Variants in SCNN1D observed in about 807,000 individuals in gnomAD.
The protein encoded by SCNN1D is epithelial sodium channel subunit delta.
A neutral mutation model predicts 87.8 loss-of-function variants in SCNN1D; 104 were observed. The observed-to-expected ratio is 1.18, with a 90% CI of 1.01 to 1.39. SCNN1D has a LOEUF of 1.39. Among genes scored for constraint, SCNN1D ranks in the 40% most tolerant of loss-of-function variants. SCNN1D has a pLI of 0.00. For synonymous variants in SCNN1D, 628 were observed against 481.2 expected, an observed-to-expected ratio of 1.31 and a Z score of -3.99; for missense variants, 1,324 against 1,093.9, an observed-to-expected ratio of 1.21 and a Z score of -2.97.
rs370194779 is a variant in SCNN1D at position 1,290,866 on chromosome 1, C to T, written c.1918-29C>T. ...AGGATGGCCGGGGGCATGGGGGAGC[C>T]GTGGCCACAGCAAACCTTCCGTCTG... On this transcript the variant is annotated intron_variant, in intron 15 of 17. Coordinates refer to ENST00000379116, the MANE Select transcript of SCNN1D (RefSeq NM_001130413.4). 2.9e-4 allele frequency: 464 copies of T among 1,606,930 alleles called. 2 individuals are homozygous for T. In the African/African-American group the frequency reaches 5.5e-3, roughly 19 times the overall value.
Position 1,285,896 on chromosome 1 carries a change from C to T in SCNN1D, c.559-30C>T, listed in dbSNP as rs113638421. Reference sequence around the variant, plus strand: ...TAGGGAGGCCTGAGTGGGTGCAGGCCGGGCCCTGCTGAGGCCACTCTGCAC... The same window carrying T: ...TAGGGAGGCCTGAGTGGGTGCAGGCTGGGCCCTGCTGAGGCCACTCTGCAC... On this transcript the variant is annotated intron_variant, in intron 6 of 17. Coordinates refer to ENST00000379116, the MANE Select transcript of SCNN1D (RefSeq NM_001130413.4). 4.7e-3 allele frequency: 7,103 copies of T among 1,521,270 alleles called. 195 individuals are homozygous for T. In the African/African-American group the frequency reaches 0.07, roughly 15 times the overall value. 94.2% of individuals were successfully genotyped at this position (1,521,270 alleles called of 1,614,324 possible).
chr1:1,290,350 G>A lies in SCNN1D; in HGVS notation c.1742G>A (p.Gly581Glu), dbSNP rs982225238. 11 of 1,597,400 alleles carry A rather than the reference G, an allele frequency of 6.9e-6. No homozygotes were observed. Among genetic ancestry groups the A allele is most frequent in the Non-Finnish European group, 6.0e-6 (7 of 1,170,274 alleles). ...TACTACCTCCACCCTCTGCCGGCGG[G>A]GGCTGAGTACTGCAGCTCTGCCCGG... ...CGYYLHPLPA[G>E]AEYCSSARHP... is the part of the protein sequence containing the mutation. The change falls in exon 13 of 18, where the codon GGG becomes GAG. Residue 581 changes from glycine to glutamate, a missense_variant. Transcript: ENST00000379116.
At chr1:1,288,199 TTC>T (rs1322974725) in intron 12 of SCNN1D, among the ~76,000 whole-genome samples, 162 bp downstream of exon 12, 2 of 150,142 alleles carry the variant, frequency 1.3e-5, no homozygotes, top group African/African-American at 4.9e-5. Flanking sequence ...CCCCGCTCCA[TTC>T]CCTGTGTCTC....
Position 1,291,927 on chromosome 1 carries a change from C to T in SCNN1D, c.*317C>T, listed in dbSNP as rs978998024. The T allele has an allele frequency of 7.8e-5, 20 of 257,910 alleles. No individual in the cohort carries two copies. Among genetic ancestry groups the T allele is most frequent in the East Asian group, 5.6e-4 (8 of 14,250 alleles). The allele number at this position is 257,910 out of a possible 1,614,324, so 16.0% of individuals were successfully genotyped here. ...TCCACACGTCTGATGCACCTGTGTACGTGTGTCAAGCCTAGCCACCTCAGC... is the reference window on the plus strand; with the variant it reads ...TCCACACGTCTGATGCACCTGTGTATGTGTGTCAAGCCTAGCCACCTCAGC... On this transcript the variant is annotated 3_prime_UTR_variant, in exon 18 of 18. Transcript: ENST00000379116.
rs1158942457 is a variant in SCNN1D at position 1,291,821 on chromosome 1, G to A, written c.*211G>A. On this transcript the variant is annotated 3_prime_UTR_variant, in exon 18 of 18. Coordinates refer to ENST00000379116, the MANE Select transcript of SCNN1D (RefSeq NM_001130413.4). ...CTCAAGGAGGCCCGGGGCGGAGGGG[G>A]GTTCCCGCGTGCACACGAGTGCGGC... The A allele has an allele frequency of 6.5e-6, 3 of 460,234 alleles. No homozygotes were observed. Among genetic ancestry groups the A allele is most frequent in the South Asian group, 5.2e-5 (1 of 19,130 alleles). The allele number at this position is 460,234 out of a possible 1,614,324, so 28.5% of individuals were successfully genotyped here. A position where few individuals can be genotyped will look rare whatever the true frequency, so the allele number is the denominator to read the frequency against.
At position 1,287,661 on chromosome 1, in the gene SCNN1D, T is replaced by C. The variant is rs1640627458; in HGVS notation, c.1400-12T>C. On this transcript the variant is annotated splice_polypyrimidine_tract_variant and intron_variant, in intron 10 of 17. Coordinates refer to ENST00000379116, the MANE Select transcript of SCNN1D (RefSeq NM_001130413.4). ...AGGTCAGGTGGCCTCACACCAGCCC[T>C]TGGCCTCCCAGGAGTCGGCCTGGTC... 6.2e-7 allele frequency: 1 copy of C among 1,611,668 alleles called. No individual in the cohort carries two copies.
At position 1,285,923 on chromosome 1, in the gene SCNN1D, C is replaced by T; in HGVS notation, c.559-3C>T. 2.6e-6 allele frequency: 4 copies of T among 1,542,290 alleles called. No homozygotes were observed. The highest frequency in any genetic ancestry group is 3.5e-6 in the Non-Finnish European group (4 of 1,142,636). ...GGCCCTGCTGAGGCCACTCTGCACA[C>T]AGGCTGCAGCCCAGACGCCCCCCAG... On this transcript the variant is annotated splice_polypyrimidine_tract_variant and splice_region_variant and intron_variant, in intron 6 of 17. Coordinates refer to ENST00000379116, the MANE Select transcript of SCNN1D (RefSeq NM_001130413.4).
intron 14 of SCNN1D, 25 bp downstream of exon 14, chr1:1,290,580 G>A (rs374187373): frequency 2.1e-4 from 333 of 1,612,554 alleles, no homozygotes; most frequent in Admixed American, 3.7e-4. Flanking sequence ...TTGGGGTCGC[G>A]GCCAGGGATC....
In SCNN1D at chr1:1,287,770, G is replaced by C. The variant is rs1466236088; in HGVS notation, c.1497G>C (p.Thr499=). Residue 499 remains threonine, a synonymous_variant, in exon 11 of 18, where the codon ACG becomes ACC. Coordinates refer to ENST00000379116, the MANE Select transcript of SCNN1D (RefSeq NM_001130413.4). ...TCATGGTTCACGGCCGTAACCACAC[G>C]CCCTTCCTGGGGCACCACAGCTTCA... ...IRVMVHGRNH[T]PFLGHHSFSV... 6.3e-7 allele frequency: 1 copy of C among 1,598,192 alleles called. No individual in the cohort carries two copies. Among genetic ancestry groups the C allele is most frequent in the East Asian group, 2.3e-5 (1 of 43,904 alleles).
Position 1,290,402 on chromosome 1 carries a change from G to T in SCNN1D, c.1780+14G>T. The T allele has an allele frequency of 6.2e-7, 1 of 1,606,882 alleles. No homozygotes were observed. The highest frequency in any genetic ancestry group is 8.5e-7 in the Non-Finnish European group (1 of 1,176,178). On this transcript the variant is annotated intron_variant, in intron 13 of 17. Coordinates refer to ENST00000379116, the MANE Select transcript of SCNN1D (RefSeq NM_001130413.4). Reference sequence around the variant, plus strand: ...ACCCTGCCTGGGGTGAGTCCTGCTCGCTGCCTCCCACTCTGTCAGCCATTA... The same window carrying T: ...ACCCTGCCTGGGGTGAGTCCTGCTCTCTGCCTCCCACTCTGTCAGCCATTA...
At position 1,291,597 on chromosome 1, in the gene SCNN1D, C is replaced by T. The variant is rs201287084; in HGVS notation, c.2396C>T (p.Thr799Ile). Residue 799 changes from threonine to isoleucine, a missense_variant, in exon 18 of 18, where the codon ACT becomes ATT. Transcript: ENST00000379116. ...TGGGCTGGGCCCCAGCCCCTTGAGA[C>T]TCTGGACACCTGAACCAGACCTGCC... Reference protein sequence around the residue: ...ESWAGPQPLETLDT With the variant: ...ESWAGPQPLEILDT 18 of 1,536,322 alleles carry T rather than the reference C, an allele frequency of 1.2e-5. No individual in the cohort carries two copies. The highest frequency in any genetic ancestry group is 1.3e-5 in the Non-Finnish European group (15 of 1,139,948).
Position 1,290,918 on chromosome 1 carries a change from T to C in SCNN1D, c.1941T>C (p.Gly647=), listed in dbSNP as rs1640789130. Reference sequence around the variant, plus strand: ...AGGGATGGACTCTGGCCACGCTAGGTGAACAGGGGCTGCCGCATCAGAGCC... The same window carrying C: ...AGGGATGGACTCTGGCCACGCTAGGCGAACAGGGGCTGCCGCATCAGAGCC... ...KSAGWTLATL[G]EQGLPHQSHR... Residue 647 remains glycine, a synonymous_variant, in exon 16 of 18, where the codon GGT becomes GGC. Transcript: ENST00000379116. The C allele has an allele frequency of 6.2e-7, 1 of 1,609,702 alleles. No individual in the cohort carries two copies. Among genetic ancestry groups the C allele is most frequent in the South Asian group, 1.1e-5 (1 of 90,674 alleles).
At chr1:1,282,006 G>A (rs936189512) in intron 3 of SCNN1D, 8 of 586,340 alleles carry the variant, frequency 1.4e-5, no homozygotes, top group Admixed American at 6.6e-5. Context: ...CTGTCTCCTC[G>A]GCAGGTGCGG....
chr1:1,287,146 A>G lies in SCNN1D; in HGVS notation c.1157A>G (p.Tyr386Cys). Reference sequence around the variant, plus strand: ...GGCGGCGACTGCTTTTACCGAGGCTACACGTCAGGCGTGGCGGCTGTCCAG... The same window carrying G: ...GGCGGCGACTGCTTTTACCGAGGCTGCACGTCAGGCGTGGCGGCTGTCCAG... ...STGGDCFYRG[Y>C]TSGVAAVQDW... Residue 386 changes from tyrosine to cysteine, a missense_variant, in exon 9 of 18, where the codon TAC (tyrosine) becomes TGC (cysteine). By Grantham distance (194) the Tyr-to-Cys change is radical. Transcript: ENST00000379116. 11 of 1,605,412 alleles carry G rather than the reference A, an allele frequency of 6.9e-6. No individual in the cohort carries two copies. The highest frequency in any genetic ancestry group is 1.1e-5 in the South Asian group (1 of 90,800).
In SCNN1D at chr1:1,283,997, T is replaced by G; in HGVS notation, c.371T>G (p.Leu124Arg). Residue 124 changes from leucine (L) to arginine (R), a missense_variant, in exon 5 of 18, where the codon CTG becomes CGG. By Grantham distance (102) the Leu-to-Arg change is moderately radical. Transcript: ENST00000379116. ...AAATAGGAGGCCAGAGGCTCCATCCTGCTTCAGAGCTGCCAGCTGCCCCCG... is the reference window on the plus strand; with the variant it reads ...AAATAGGAGGCCAGAGGCTCCATCCGGCTTCAGAGCTGCCAGCTGCCCCCG... ...QSRQEARGSI[L>R]LQSCQLPPQW... The G allele has an allele frequency of 6.9e-7, 1 of 1,448,344 alleles. No individual in the cohort carries two copies. Among genetic ancestry groups the G allele is most frequent in the Non-Finnish European group, 9.0e-7 (1 of 1,105,152 alleles). 89.7% of individuals were successfully genotyped at this position (1,448,344 alleles called of 1,614,324 possible).
chr1:1,287,875 C>T, intron 11 of SCNN1D, 39 bp downstream of exon 11: 4 of 1,516,252 alleles, frequency 2.6e-6, no homozygotes, highest in East Asian at 2.5e-5. Context: ...GCCCAGGCCT[C>T]CTGCCCAACC....
rs767895469 is a variant in SCNN1D at position 1,291,412 on chromosome 1, C to T, written c.2211C>T (p.Pro737=). 29 of 1,607,572 alleles carry T rather than the reference C, an allele frequency of 1.8e-5. No homozygotes were observed. The highest frequency in any genetic ancestry group is 1.7e-5 in the Admixed American group (1 of 59,370). The part of the protein sequence containing the change: ...RRLRRAWFSW[P]RASPASGASS... Reference sequence around the variant, plus strand: ...TCCGCAGGGCGTGGTTCTCCTGGCCCAGAGCCAGCCCTGCCTCAGGGGCGT... The same window carrying T: ...TCCGCAGGGCGTGGTTCTCCTGGCCTAGAGCCAGCCCTGCCTCAGGGGCGT... The change falls in exon 18 of 18, where the codon CCC becomes CCT. Residue 737 remains proline (P), a synonymous_variant. Coordinates refer to ENST00000379116, the MANE Select transcript of SCNN1D (RefSeq NM_001130413.4).
At position 1,287,126 on chromosome 1, in the gene SCNN1D, C is replaced by T. The variant is rs2229832; in HGVS notation, c.1137C>T (p.Gly379=). The change falls in exon 9 of 18, where the codon GGC becomes GGT. Residue 379 remains glycine (G), a synonymous_variant. Coordinates refer to ENST00000379116, the MANE Select transcript of SCNN1D (RefSeq NM_001130413.4). ...TCTCCCAGTGCAACAGCACGGGCGG[C>T]GACTGCTTTTACCGAGGCTACACGT... ...VGFRLCNSTG[G]DCFYRGYTSG... is the part of the protein sequence containing the mutation. The T allele has an allele frequency of 1.9e-3, 3,082 of 1,597,356 alleles. 12 individuals carry two copies. Among genetic ancestry groups the T allele is most frequent in the Non-Finnish European group, 1.7e-3 (1,937 of 1,168,562 alleles).
chr1:1,287,232 A>G lies in SCNN1D; in HGVS notation c.1243A>G (p.Ser415Gly). 6.2e-7 allele frequency: 1 copy of G among 1,611,174 alleles called. No individual in the cohort carries two copies. Among genetic ancestry groups the G allele is most frequent in the Non-Finnish European group, 8.5e-7 (1 of 1,179,314 alleles). Residue 415 changes from serine (S) to glycine (G), a missense_variant, in exon 9 of 18, where the codon AGC becomes GGC. Transcript: ENST00000379116. ...LALLPAAWED[S>G]HGSQDGHFVL... ...CCTGCTGCCCGCGGCATGGGAGGAC[A>G]GCCACGGGAGCCAGGACGGCCACTT...
Sources: allele counts gnomAD v4.1 joint callset (sites outside exome capture counted in the v4.1 genomes callset), GRCh38; gene constraint gnomAD v4.1.1; transcripts MANE v1.5; gene names NCBI Gene and HGNC (gene_info 2026-07-23, HGNC 2026-07-21).